The following FRMD4A variants were observed in gnomAD, a reference collection of about 807,000 sequenced individuals.
FRMD4A encodes FERM domain containing 4A, also known as FERM domain-containing protein 4A.
In FRMD4A, 29 loss-of-function variants were observed where a neutral mutation model predicts 129.1. That is an observed-to-expected ratio of 0.22 (90% CI 0.17 to 0.31). The LOEUF (loss-of-function observed/expected upper bound fraction) is 0.31. Ranked by LOEUF, FRMD4A falls within the 10% of genes least tolerant of loss-of-function variation. The pLI is 1.00. For synonymous variants in FRMD4A, 634 were observed against 571.6 expected (o/e 1.11, Z -1.56); for missense variants, 1,272 against 1,375.8 (o/e 0.92, Z 1.19).
At chr10:13,889,704 G>T (rs2131158307) in intron 2 of FRMD4A, among the ~76,000 whole-genome samples, 1 of 152,288 alleles carries the variant, frequency 6.6e-6, no homozygotes, top group Admixed American at 6.5e-5. Context: ...AGGGTGGAGA[G>T]ATTTTCTGAT....
chr10:14,069,361 C>T (rs533920201), intron 2 of FRMD4A, among the ~76,000 whole-genome samples: 1 of 152,266 alleles, frequency 6.6e-6, no homozygotes, highest in East Asian at 1.9e-4. Flanking sequence ...TAGGTGCTTG[C>T]CTTAGAGATG....
intron 2 of FRMD4A, among the ~76,000 whole-genome samples, chr10:14,068,367 T>A (rs1835160115): frequency 1.3e-5 from 2 of 152,202 alleles, no homozygotes; most frequent in South Asian, 4.1e-4. Flanking sequence ...ACATATCAGA[T>A]CCCCAATATA....
intron 2 of FRMD4A, among the ~76,000 whole-genome samples, chr10:14,138,223 G>A (rs1337161980): frequency 6.6e-6 from 1 of 152,126 alleles, no homozygotes; most frequent in Non-Finnish European, 1.5e-5. Context: ...GTCAGGTGTT[G>A]GTAACACCAA....
chr10:13,961,970 C>T (rs573572765), intron 2 of FRMD4A, among the ~76,000 whole-genome samples: 2 of 152,140 alleles, frequency 1.3e-5, no homozygotes, highest in Non-Finnish European at 2.9e-5. Context: ...ACCTCCAGAA[C>T]TTTGCTCAAT....
chr10:13,962,904 T>C (rs1420458715), intron 2 of FRMD4A, among the ~76,000 whole-genome samples: 1 of 152,318 alleles, frequency 6.6e-6, no homozygotes, highest in Non-Finnish European at 1.5e-5. Context: ...TCAAGGAGAA[T>C]GAAAATATCC....
intron 14 of FRMD4A, 21 bp from the exon 15 acceptor site, chr10:13,694,060 G>C (rs2085984785): frequency 5.3e-6 from 8 of 1,498,902 alleles, no homozygotes; most frequent in South Asian, 1.4e-5. Flanking sequence ...AAGGGAAGCA[G>C]GTCAAAGAAG....
chr10:14,155,502 G>A (rs1304946470), intron 2 of FRMD4A, among the ~76,000 whole-genome samples: 1 of 149,412 alleles, frequency 6.7e-6, no homozygotes, highest in African/African-American at 2.6e-5. Context: ...CCCATGTGGC[G>A]ATTCTCCTTC....
chr10:14,008,508 T>C (rs2095670419), intron 2 of FRMD4A: 1 of 990,384 alleles, frequency 1.0e-6, no homozygotes, highest in Admixed American at 5.8e-5. Context: ...TCCAGAAATG[T>C]CAACTTTGCT....
chr10:14,040,518 T>C (rs1022164980), intron 2 of FRMD4A, among the ~76,000 whole-genome samples: 2 of 152,236 alleles, frequency 1.3e-5, no homozygotes. Flanking sequence ...GATGCAATTC[T>C]TTAACTCTGG....
At chr10:13,653,065 C>CCCCCT (rs931485902) in intron 23 of FRMD4A, 1 of 152,174 alleles carries the variant, frequency 6.6e-6, no homozygotes, top group East Asian at 1.9e-4. Context: ...CTGGGTATTT[C>CCCCCT]CCCCGCAAGG....
intron 2 of FRMD4A, among the ~76,000 whole-genome samples, chr10:14,329,447 A>C (rs895346251): frequency 6.8e-6 from 1 of 146,108 alleles, no homozygotes; most frequent in Non-Finnish European, 1.5e-5. Flanking sequence ...AAAATTCCAG[A>C]GGGGCATAAG....
In FRMD4A at chr10:14,139,432, TTTC is replaced by T. The variant is rs551375147; in HGVS notation, c.45+190623_45+190625del. Among the ~76,000 whole-genome samples, 86 of 86,674 alleles carry T rather than the reference TTTC, an allele frequency of 9.9e-4. No homozygotes were observed. In the East Asian group the frequency reaches 0.065, roughly 66 times the overall value. The allele number at this position is 86,674 out of a possible 152,430, so 56.9% of individuals were successfully genotyped here. On this transcript the variant is annotated intron_variant, in intron 2 of 24. Coordinates refer to ENST00000357447, the MANE Select transcript of FRMD4A (RefSeq NM_018027.5). ...GTTAATAAATCCTATCAAAAACATA[TTTC>T]TTTTTTTATTATTTATTTTTTTTAA...
intron 12 of FRMD4A, among the ~76,000 whole-genome samples, chr10:13,716,142 C>T (rs2088780275): frequency 6.6e-6 from 1 of 152,036 alleles, no homozygotes; most frequent in South Asian, 2.1e-4. Flanking sequence ...AAGTTGGACC[C>T]AGGGTCCCCA....
chr10:13,729,770 C>T (rs1004057426), intron 12 of FRMD4A, among the ~76,000 whole-genome samples: 1 of 152,136 alleles, frequency 6.6e-6, no homozygotes, highest in Admixed American at 6.5e-5. Flanking sequence ...AAAAGCCCCC[C>T]TAATTGCACA....
At chr10:13,802,248 GC>G (rs2093271668) in intron 4 of FRMD4A, among the ~76,000 whole-genome samples, 2 of 152,194 alleles carry the variant, frequency 1.3e-5, no homozygotes, top group South Asian at 4.1e-4. Flanking sequence ...TCAAGTGTTG[GC>G]ACCTTCAATA....
intron 5 of FRMD4A, among the ~76,000 whole-genome samples, chr10:13,783,393 T>G (rs1268164500): frequency 6.6e-6 from 1 of 152,100 alleles, no homozygotes; most frequent in Non-Finnish European, 1.5e-5. Flanking sequence ...TTCTTCTCCT[T>G]TTTTTTCTTT....
At chr10:13,847,475 C>T (rs752160023) in intron 3 of FRMD4A, among the ~76,000 whole-genome samples, 6 of 152,138 alleles carry the variant, frequency 3.9e-5, no homozygotes, top group Non-Finnish European at 7.4e-5. Flanking sequence ...GGCTGCACTC[C>T]TCTCTCAGGG....
intron 2 of FRMD4A, among the ~76,000 whole-genome samples, chr10:14,092,701 G>T (rs1836728004): frequency 6.6e-6 from 1 of 152,236 alleles, no homozygotes; most frequent in Admixed American, 6.5e-5. Flanking sequence ...TGGGGCCCTG[G>T]AGATGGTGAT....
intron 2 of FRMD4A, among the ~76,000 whole-genome samples, chr10:14,203,489 G>T (rs1842697231): frequency 6.6e-6 from 1 of 152,182 alleles, no homozygotes; most frequent in African/African-American, 2.4e-5. Flanking sequence ...GAAAGCAGGC[G>T]GTGATAATGG....
Sources: allele counts gnomAD v4.1 joint callset (sites outside exome capture counted in the v4.1 genomes callset), GRCh38; gene constraint gnomAD v4.1.1; transcripts MANE v1.5; gene names NCBI Gene and HGNC (gene_info 2026-07-23, HGNC 2026-07-21).